Variants in ANXA7 observed in about 807,000 individuals in gnomAD.
ANXA7 encodes annexin A7, also known as annexin VII.
A neutral mutation model predicts 64.9 loss-of-function variants in ANXA7; 55 were observed. The observed-to-expected ratio is 0.85, with a 90% confidence interval of 0.68 to 1.06. The LOEUF (loss-of-function observed/expected upper bound fraction) is 1.06, where lower values mean the gene tolerates loss of function less well. Ranked by LOEUF, ANXA7 falls within the 50% of genes least tolerant of loss-of-function variation. The pLI is 0.00. For synonymous variants in ANXA7, 200 were observed against 192.4 expected (o/e 1.04, Z -0.33); for missense variants, 548 against 582.1 (o/e 0.94, Z 0.60).
chr10:73,408,085 A>C (rs2055785945), intron 1 of ANXA7: 1 of 152,920 alleles, frequency 6.5e-6, no homozygotes, highest in Admixed American at 6.5e-5. Context: ...CTGGGAGGCC[A>C]AGGTGGGAGG....
At chr10:73,410,974 T>C (rs1389733627) in intron 1 of ANXA7, among the ~76,000 whole-genome samples, 2 of 152,178 alleles carry the variant, frequency 1.3e-5, no homozygotes, top group African/African-American at 4.8e-5. Flanking sequence ...AAAGTCATTA[T>C]ATGAAAAAGA....
intron 12 of ANXA7, 122 bp downstream of exon 12, chr10:73,378,789 T>C: frequency 1.4e-6 from 1 of 713,342 alleles, no homozygotes; most frequent in Non-Finnish European, 2.4e-6. Flanking sequence ...CCACCTCTTT[T>C]AGGTGGCAAA....
chr10:73,389,624 C>T (rs1157456607), intron 5 of ANXA7, among the ~76,000 whole-genome samples: 2 of 151,778 alleles, frequency 1.3e-5, no homozygotes, highest in Non-Finnish European at 2.9e-5. Flanking sequence ...CAATAGTTTC[C>T]CCCAATTTTT....
At chr10:73,408,746 G>A (rs2055796977) in intron 1 of ANXA7, among the ~76,000 whole-genome samples, 2 of 152,158 alleles carry the variant, frequency 1.3e-5, no homozygotes, top group South Asian at 4.1e-4. Flanking sequence ...CTTGCACAAG[G>A]ACAAAATTAT....
chr10:73,384,075 C>T (rs2055319287), intron 7 of ANXA7, among the ~76,000 whole-genome samples: 1 of 151,288 alleles, frequency 6.6e-6, no homozygotes, highest in Non-Finnish European at 1.5e-5. Context: ...GAGCTGAGAT[C>T]GCACCACTGC....
At chr10:73,382,655 T>C (rs918957796) in intron 9 of ANXA7, among the ~76,000 whole-genome samples, 6 of 152,184 alleles carry the variant, frequency 3.9e-5, no homozygotes, top group Non-Finnish European at 2.9e-5. Context: ...CCTAAGTGTG[T>C]TTCTAATGCC....
intron 2 of ANXA7, 145 bp from the exon 3 acceptor site, chr10:73,398,530 T>C: frequency 1.4e-6 from 1 of 727,124 alleles, no homozygotes; most frequent in Non-Finnish European, 2.2e-6. Context: ...TGGTATCTTA[T>C]ACTAGTTTAT....
In ANXA7 at chr10:73,378,807, C is replaced by G. The variant is rs2055226923; in HGVS notation, c.1278+104G>C. Reference sequence around the variant, plus strand: ...CCTCTTTTAGGTGGCAAAGAGAGCTCTTTCTTATCATTTTTGAGGGACTGA... The same window carrying G: ...CCTCTTTTAGGTGGCAAAGAGAGCTGTTTCTTATCATTTTTGAGGGACTGA... On this transcript the variant is annotated intron_variant, in intron 12 of 12. Coordinates refer to ENST00000372921, the MANE Select transcript of ANXA7 (RefSeq NM_001156.5). The G allele has an allele frequency of 4.9e-6, 4 of 817,066 alleles. No individual in the cohort carries two copies. The Admixed American group carries it at 6.7e-5, about 14-fold the overall frequency. The allele number at this position is 817,066 out of a possible 1,614,324, so 50.6% of individuals were successfully genotyped here.
At chr10:73,390,723 A>AT (rs1403567233) in intron 5 of ANXA7, among the ~76,000 whole-genome samples, 1 of 113,518 alleles carries the variant, frequency 8.8e-6, no homozygotes, top group African/African-American at 3.9e-5. Context: ...TATATATAAA[A>AT]ATATATATAT....
At position 73,384,213 on chromosome 10, in the gene ANXA7, T is replaced by G. The variant is rs538172968; in HGVS notation, c.634-523A>C. Among the ~76,000 whole-genome samples, 275 of 152,312 alleles carry G rather than the reference T, an allele frequency of 1.8e-3. 2 individuals carry two copies. Among genetic ancestry groups the G allele is most frequent in the African/African-American group, 6.3e-3 (260 of 41,572 alleles). ...ATTTATTACACTCAAGCAGATCTAT[T>G]TTATTCATTCTATCAATAAACATTT... On this transcript the variant is annotated intron_variant, in intron 7 of 12. Transcript: ENST00000372921.
chr10:73,387,731 C>T lies in ANXA7; in HGVS notation c.591G>A (p.Gln197=). The change falls in exon 7 of 13, where the codon CAG becomes CAA. Residue 197 remains glutamine (Q), a synonymous_variant. Transcript: ENST00000372921. ...VDVVANRSND[Q]RQKIKAAFKT... is the part of the protein sequence containing the mutation. Reference sequence around the variant, plus strand: ...TAAATGCTGCTTTAATTTTTTGCCTCTGATCATTGGAACGGTTGGCCACCA... The same window carrying T: ...TAAATGCTGCTTTAATTTTTTGCCTTTGATCATTGGAACGGTTGGCCACCA... 2 of 1,614,060 alleles carry T rather than the reference C, an allele frequency of 1.2e-6. No individual in the cohort carries two copies. Among genetic ancestry groups the T allele is most frequent in the Non-Finnish European group, 1.7e-6 (2 of 1,180,008 alleles).
At chr10:73,377,902 G>A (rs1327434726) in intron 12 of ANXA7, among the ~76,000 whole-genome samples, 16 of 122,728 alleles carry the variant, frequency 1.3e-4, no homozygotes, top group South Asian at 5.8e-4. Context: ...ACCACGCCCC[G>A]GCGTGTGTGT....
At chr10:73,384,645 C>T (rs1248158672) in intron 7 of ANXA7, among the ~76,000 whole-genome samples, 1 of 152,006 alleles carries the variant, frequency 6.6e-6, no homozygotes, top group African/African-American at 2.4e-5. Flanking sequence ...AAGTGATACA[C>T]CCGCCTTGGC....
chr10:73,379,573 A>C (rs1025372592), intron 11 of ANXA7, among the ~76,000 whole-genome samples: 10 of 152,200 alleles, frequency 6.6e-5, no homozygotes, highest in Non-Finnish European at 1.5e-4. Context: ...GAAGTGCTAC[A>C]ACTATCAGGT....
At chr10:73,398,010 T>C (rs2055602584) in intron 3 of ANXA7, among the ~76,000 whole-genome samples, 171 bp downstream of exon 3, 1 of 152,164 alleles carries the variant, frequency 6.6e-6, no homozygotes. Context: ...AGCTTTCATG[T>C]CCCCAGAGAA....
At chr10:73,393,413 C>T (rs140856895) in intron 5 of ANXA7, among the ~76,000 whole-genome samples, 15,921 of 152,128 alleles carry the variant, frequency 0.1, 1,202 homozygotes, top group East Asian at 0.3. Flanking sequence ...CAATCCTAAG[C>T]CAAAAGAACA....
intron 5 of ANXA7, chr10:73,395,735 G>A (rs1254148815): frequency 3.3e-5 from 14 of 429,102 alleles, no homozygotes; most frequent in Admixed American, 1.4e-4. Context: ...GCAGTGAGCC[G>A]AGGTCGTGCC....
At chr10:73,408,825 T>C (rs2055798224) in intron 1 of ANXA7, among the ~76,000 whole-genome samples, 1 of 152,176 alleles carries the variant, frequency 6.6e-6, no homozygotes, top group African/African-American at 2.4e-5. Flanking sequence ...TGAATGTCCA[T>C]CAATAAGGGA....
At chr10:73,380,670 C>T (rs2055261518) in intron 9 of ANXA7, among the ~76,000 whole-genome samples, 1 of 152,224 alleles carries the variant, frequency 6.6e-6, no homozygotes, top group South Asian at 2.1e-4. Context: ...ATTATACTGT[C>T]AACTGGATTT....
Sources: allele counts gnomAD v4.1 joint callset (sites outside exome capture counted in the v4.1 genomes callset), GRCh38; gene constraint gnomAD v4.1.1; transcripts MANE v1.5; gene names NCBI Gene and HGNC (gene_info 2026-07-23, HGNC 2026-07-21).